NREP: variants seen among roughly 807,000 people sequenced by gnomAD.
NREP encodes neuronal regeneration-related protein.
In NREP, 5 loss-of-function variants were observed where a neutral mutation model predicts 8.6. That is an observed-to-expected ratio of 0.58 (90% CI 0.30 to 1.22). The LOEUF (loss-of-function observed/expected upper bound fraction) is 1.22, where lower values mean the gene tolerates loss of function less well. Ranked by LOEUF, NREP falls within the 50% of genes most tolerant of loss-of-function variation. The pLI is 0.07. For synonymous variants in NREP, 27 were observed against 28.0 expected, an observed-to-expected ratio of 0.96 and a Z score of 0.11; for missense variants, 86 against 82.5, an observed-to-expected ratio of 1.04 and a Z score of -0.17.
At chr5:111,881,568 G>C (rs942951362) in intron 2 of NREP, among the ~76,000 whole-genome samples, 2 of 152,154 alleles carry the variant, frequency 1.3e-5, no homozygotes, top group East Asian at 1.9e-4. Context: ...CAGTCTAACT[G>C]GGAGGCACCC....
chr5:111,905,105 G>C (rs1025173705), intron 2 of NREP, among the ~76,000 whole-genome samples: 2 of 152,072 alleles, frequency 1.3e-5, no homozygotes, highest in Non-Finnish European at 2.9e-5. Flanking sequence ...CAATAAATTT[G>C]TATGTTATTT....
chr5:111,755,735 A>G (rs1445144503), intron 2 of NREP, 35 bp downstream of exon 2: 1 of 1,609,680 alleles, frequency 6.2e-7, no homozygotes, highest in African/African-American at 1.3e-5. Flanking sequence ...ACTGGTAAGA[A>G]GTACTGAGAA....
At chr5:111,729,273 G>C (rs971006003), downstream of NREP, 6 of 152,124 alleles carry the variant, frequency 3.9e-5, no homozygotes, top group African/African-American at 9.7e-5. Flanking sequence ...TCAAAACTAG[G>C]CCTCTTCAAT....
At chr5:111,955,075 C>T (rs948768551) in intron 2 of NREP, among the ~76,000 whole-genome samples, 3 of 152,098 alleles carry the variant, frequency 2.0e-5, no homozygotes, top group Admixed American at 1.3e-4. Flanking sequence ...GAAAGAAGAA[C>T]GTGTCTCCAT....
chr5:111,865,082 C>G (rs1285785229), intron 2 of NREP, among the ~76,000 whole-genome samples: 1 of 152,066 alleles, frequency 6.6e-6, no homozygotes, highest in Non-Finnish European at 1.5e-5. Flanking sequence ...CGTTCTGAAG[C>G]AATAGACAGC....
intron 2 of NREP, among the ~76,000 whole-genome samples, chr5:111,941,912 A>G (rs185997839): frequency 3.3e-5 from 5 of 152,204 alleles, no homozygotes; most frequent in Non-Finnish European, 7.4e-5. Flanking sequence ...TTATATCACC[A>G]CAATAATATA....
rs758303582 is a variant in NREP at position 111,730,978 on chromosome 5, A to T, written c.150T>A (p.Thr50=). 6.2e-7 allele frequency: 1 copy of T among 1,613,926 alleles called. No individual in the cohort carries two copies. The highest frequency in any genetic ancestry group is 1.1e-5 in the South Asian group (1 of 91,076). The part of the protein sequence containing the change: ...KNDETNAASL[T]PLGSSELRSP... ...AGCGGAGTTCACTGCTGCCCAGTGG[A>T]GTCAGGGAGGCAGCGTTTGTCTCAT... is the stretch of plus-strand genomic sequence containing the variant. Residue 50 remains threonine, a synonymous_variant, in exon 4 of 4, where the codon ACT becomes ACA. Transcript: ENST00000257435.
chr5:111,918,801 G>A (rs1755138799), intron 2 of NREP, among the ~76,000 whole-genome samples: 1 of 152,136 alleles, frequency 6.6e-6, no homozygotes, highest in Non-Finnish European at 1.5e-5. Context: ...ATAGGCATGG[G>A]CAAAGACTTC....
intron 2 of NREP, among the ~76,000 whole-genome samples, chr5:111,825,494 T>C (rs572614310): frequency 1.3e-5 from 2 of 152,364 alleles, no homozygotes; most frequent in East Asian, 1.9e-4. Context: ...GCAGGGAATA[T>C]GTGATTGGCA....
At chr5:111,852,804 C>G (rs573646945) in intron 2 of NREP, among the ~76,000 whole-genome samples, 1 of 152,140 alleles carries the variant, frequency 6.6e-6, no homozygotes. Flanking sequence ...GACACTGGAA[C>G]ATGGACTCTG....
chr5:111,791,340 T>A (rs566521659), intron 2 of NREP, among the ~76,000 whole-genome samples: 6 of 152,306 alleles, frequency 3.9e-5, no homozygotes, highest in Admixed American at 3.9e-4. Flanking sequence ...GAATTTTATA[T>A]CCTTTGACCA....
rs193021117 is a variant in NREP, at chr5:111,864,756, T to C, written c.135+110518A>G. 2.6e-4 allele frequency among the ~76,000 whole-genome samples: 40 copies of C among 152,216 alleles called. 2 individuals carry two copies. The South Asian group carries it at 7.9e-3, about 30-fold the overall frequency. Reference sequence around the variant, plus strand: ...ATTCAATGTGTACTTTTATATTTTTTGATATTAGATCCATGGAAATATCGT... The same window carrying C: ...ATTCAATGTGTACTTTTATATTTTTCGATATTAGATCCATGGAAATATCGT... On this transcript the variant is annotated intron_variant, in intron 2 of 3. Transcript: ENST00000395634.
At chr5:111,737,736 C>T (rs889425160) in intron 2 of NREP, among the ~76,000 whole-genome samples, 2 of 142,578 alleles carry the variant, frequency 1.4e-5, no homozygotes, top group Non-Finnish European at 3.1e-5. Context: ...AAAACAAAAA[C>T]AAAAACAAAA....
upstream of NREP, among the ~76,000 whole-genome samples, chr5:111,758,878 A>G (rs144609311): frequency 1.1e-4 from 17 of 152,338 alleles, no homozygotes; most frequent in East Asian, 2.3e-3. Flanking sequence ...CTACAAAGCC[A>G]TTGCCACAAC....
chr5:111,949,633 T>C (rs918958943), intron 2 of NREP, among the ~76,000 whole-genome samples: 1 of 152,052 alleles, frequency 6.6e-6, no homozygotes, highest in Non-Finnish European at 1.5e-5. Flanking sequence ...CCTGTGTCCA[T>C]GTGTTCTCAT....
At chr5:111,962,021 C>A (rs1334352224) in intron 2 of NREP, among the ~76,000 whole-genome samples, 2 of 152,130 alleles carry the variant, frequency 1.3e-5, no homozygotes, top group South Asian at 2.1e-4. Flanking sequence ...AGGCTCCAGT[C>A]AAGTGTTGAG....
At chr5:111,878,630 A>T (rs1450259890) in intron 2 of NREP, among the ~76,000 whole-genome samples, 1 of 152,166 alleles carries the variant, frequency 6.6e-6, no homozygotes, top group Non-Finnish European at 1.5e-5. Context: ...TTAGATTTTA[A>T]TGAATTTGTT....
intron 2 of NREP, among the ~76,000 whole-genome samples, chr5:111,867,647 T>C (rs1267384213): frequency 6.6e-6 from 1 of 152,100 alleles, no homozygotes; most frequent in East Asian, 1.9e-4. Flanking sequence ...AGCAAGGAAA[T>C]TTTTGGTTGA....
chr5:111,913,534 A>G (rs1378390434), intron 2 of NREP, among the ~76,000 whole-genome samples: 1 of 152,126 alleles, frequency 6.6e-6, no homozygotes, highest in Non-Finnish European at 1.5e-5. Flanking sequence ...CAGGGATGTG[A>G]GTTCATAGTT....
Sources: allele counts gnomAD v4.1 joint callset (sites outside exome capture counted in the v4.1 genomes callset), GRCh38; gene constraint gnomAD v4.1.1; transcripts MANE v1.5; gene names NCBI Gene and HGNC (gene_info 2026-07-23, HGNC 2026-07-21).